Variants in CSMD1 observed in about 807,000 individuals in gnomAD.
CSMD1 encodes the protein CUB and Sushi multiple domains 1.
Under a neutral mutation model 417.5 loss-of-function variants are expected in CSMD1, and 213 were observed. That is an observed-to-expected ratio of 0.51 (90% CI 0.46 to 0.57). The LOEUF (loss-of-function observed/expected upper bound fraction) is 0.57, where lower values mean the gene tolerates loss of function less well. CSMD1 is among the 20% of genes least tolerant of loss of function. The pLI, the probability that CSMD1 is intolerant of heterozygous loss-of-function variation, is 0.00. For synonymous variants in CSMD1, 2,862 were observed against 1,736.8 expected, an observed-to-expected ratio of 1.65 and a Z score of -16.11; for missense variants, 6,923 against 4,529.7, an observed-to-expected ratio of 1.53 and a Z score of -15.17.
intron 2 of CSMD1, among the ~76,000 whole-genome samples, chr8:4,449,740 G>T (rs968633132): frequency 2.6e-5 from 4 of 152,160 alleles, no homozygotes; most frequent in African/African-American, 9.7e-5. Context: ...GTCGGGTGTA[G>T]AAAGAGAAAC....
intron 10 of CSMD1, among the ~76,000 whole-genome samples, chr8:3,513,649 C>T (rs1210452420): frequency 1.3e-5 from 2 of 152,194 alleles, no homozygotes; most frequent in Admixed American, 1.3e-4. Flanking sequence ...TCATCTAAGA[C>T]AGTCTACCAG....
At chr8:4,083,971 T>C (rs1459217160) in intron 3 of CSMD1, among the ~76,000 whole-genome samples, 1 of 152,030 alleles carries the variant, frequency 6.6e-6, no homozygotes, top group Non-Finnish European at 1.5e-5. Context: ...ATCCAGAATC[T>C]ACAATGAACT....
chr8:4,394,095 A>T (rs773489094), intron 3 of CSMD1, among the ~76,000 whole-genome samples: 1 of 152,156 alleles, frequency 6.6e-6, no homozygotes, highest in Non-Finnish European at 1.5e-5. Flanking sequence ...ATCCTCTCAG[A>T]GCACTAACGA....
At chr8:3,981,762 G>C (rs190201329) in intron 5 of CSMD1, among the ~76,000 whole-genome samples, 3 of 152,218 alleles carry the variant, frequency 2.0e-5, no homozygotes, top group African/African-American at 7.2e-5. Context: ...CCTGCCGTCC[G>C]ACAGGCTGTG....
chr8:4,060,759 T>C (rs995089604), intron 3 of CSMD1, among the ~76,000 whole-genome samples: 5 of 152,230 alleles, frequency 3.3e-5, no homozygotes, highest in Admixed American at 3.3e-4. Context: ...CATGTTATTC[T>C]ACCTATGTGG....
chr8:3,592,551 C>T (rs1800896600), intron 8 of CSMD1, among the ~76,000 whole-genome samples: 1 of 152,116 alleles, frequency 6.6e-6, no homozygotes, highest in Non-Finnish European at 1.5e-5. Flanking sequence ...TGCAGCCACA[C>T]TTTATCAAAG....
intron 3 of CSMD1, among the ~76,000 whole-genome samples, chr8:4,152,144 G>C (rs951843648): frequency 1.3e-5 from 2 of 152,102 alleles, no homozygotes; most frequent in Non-Finnish European, 2.9e-5. Context: ...AACGATAATT[G>C]TTTGAAATTG....
intron 11 of CSMD1, among the ~76,000 whole-genome samples, chr8:3,470,793 T>G (rs1817048735): frequency 6.6e-6 from 1 of 152,230 alleles, no homozygotes; most frequent in South Asian, 2.1e-4. Context: ...AACCTGGGAT[T>G]GGATTTTACT....
At chr8:3,934,077 T>C (rs1007218997) in intron 5 of CSMD1, among the ~76,000 whole-genome samples, 19 of 152,200 alleles carry the variant, frequency 1.2e-4, no homozygotes, top group African/African-American at 4.3e-4. Context: ...CCATGGCCAC[T>C]ATTTCTTTTC....
At chr8:2,945,861 A>G (rs1036491119) in intron 68 of CSMD1, among the ~76,000 whole-genome samples, 4 of 152,198 alleles carry the variant, frequency 2.6e-5, no homozygotes, top group Non-Finnish European at 5.9e-5. Flanking sequence ...ACATTTCTTT[A>G]CTGAAGGAGG....
chr8:3,893,014 A>G (rs986872417), intron 5 of CSMD1, among the ~76,000 whole-genome samples: 1 of 152,008 alleles, frequency 6.6e-6, no homozygotes, highest in African/African-American at 2.4e-5. Context: ...TTTCACACTG[A>G]AAATAACTTG....
At chr8:3,844,829 T>C (rs1028828091) in intron 5 of CSMD1, among the ~76,000 whole-genome samples, 2 of 152,210 alleles carry the variant, frequency 1.3e-5, no homozygotes, top group African/African-American at 4.8e-5. Flanking sequence ...TTGTTTTTGT[T>C]TTTGTCTTTT....
intron 39 of CSMD1, among the ~76,000 whole-genome samples, chr8:3,154,514 A>T (rs778396453): frequency 2.0e-5 from 3 of 152,162 alleles, no homozygotes; most frequent in Non-Finnish European, 2.9e-5. Context: ...CTGGATTTAT[A>T]CATCTTATTT....
At chr8:3,627,057 A>G (rs565760206) in intron 7 of CSMD1, among the ~76,000 whole-genome samples, 155 of 152,266 alleles carry the variant, frequency 1.0e-3, no homozygotes, top group African/African-American at 3.6e-3. Context: ...CAGAAATATT[A>G]AATTATCTGG....
intron 4 of CSMD1, among the ~76,000 whole-genome samples, chr8:4,028,784 A>C (rs1797195512): frequency 6.6e-6 from 1 of 152,216 alleles, no homozygotes; most frequent in African/African-American, 2.4e-5. Context: ...ATCCAAGTGA[A>C]GTTTTTAGCA....
chr8:4,366,725 G>C (rs987587938), intron 3 of CSMD1, among the ~76,000 whole-genome samples: 19 of 151,534 alleles, frequency 1.3e-4, no homozygotes, highest in Admixed American at 1.3e-3. Context: ...ATTATTATTA[G>C]ACTTTAAGTT....
intron 3 of CSMD1, among the ~76,000 whole-genome samples, chr8:4,358,406 C>T (rs775643133): frequency 3.9e-5 from 6 of 152,028 alleles, no homozygotes; most frequent in South Asian, 2.1e-4. Context: ...TTTCGTGACA[C>T]GTGAAAATAT....
intron 3 of CSMD1, among the ~76,000 whole-genome samples, chr8:4,077,540 G>C (rs901661837): frequency 6.6e-6 from 1 of 151,746 alleles, no homozygotes; most frequent in Non-Finnish European, 1.5e-5. Context: ...AGTCACTCTG[G>C]TCAAAACAAC....
chr8:4,829,515 G>C (rs1170671069), intron 1 of CSMD1, among the ~76,000 whole-genome samples: 1 of 152,100 alleles, frequency 6.6e-6, no homozygotes, highest in East Asian at 1.9e-4. Flanking sequence ...GCTGAGGCAG[G>C]AGGATCTCTT....
Sources: allele counts gnomAD v4.1 joint callset (sites outside exome capture counted in the v4.1 genomes callset), GRCh38; gene constraint gnomAD v4.1.1; transcripts MANE v1.5; gene names NCBI Gene and HGNC (gene_info 2026-07-23, HGNC 2026-07-21).